EGFR: variants seen among roughly 807,000 people sequenced by gnomAD.
The protein encoded by EGFR is epidermal growth factor receptor, also known as avian erythroblastic leukemia viral (v-erb-b) oncogene homolog.
EGFR carries 58 observed loss-of-function variants against 143.0 expected under a neutral mutation model. The observed-to-expected ratio is 0.41, with a 90% CI of 0.33 to 0.50. EGFR has a LOEUF of 0.50. EGFR is among the 20% of genes least tolerant of loss of function. The probability of loss-of-function intolerance (pLI) is 0.39; values close to 1 mark genes in which losing one functional copy is unlikely to be tolerated. For synonymous variants in EGFR, 613 were observed against 594.4 expected (o/e 1.03, Z -0.45); for missense variants, 1,307 against 1,579.0 (o/e 0.83, Z 2.92).
chr7:55,019,638 G>T (rs1441981190), intron 1 of EGFR, among the ~76,000 whole-genome samples: 2 of 152,086 alleles, frequency 1.3e-5, no homozygotes, highest in Admixed American at 6.5e-5. Flanking sequence ...GACCTCCGGC[G>T]CCCCGAACCG....
Position 55,200,337 on chromosome 7 carries a change from G to T in EGFR, c.2870G>T (p.Ser957Ile), listed in dbSNP as rs2128969822. The T allele has an allele frequency of 1.2e-6, 2 of 1,614,110 alleles. No homozygotes were observed. The highest frequency in any genetic ancestry group is 1.1e-5 in the South Asian group (1 of 91,074). ...CCAGGCTGGATGATAGACGCAGATA[G>T]TCGCCCAAAGTTCCGTGAGTTGATC... ...MVKCWMIDADSRPKFRELIIE... is the reference protein window; with the variant it reads ...MVKCWMIDADIRPKFRELIIE... Residue 957 changes from serine (S) to isoleucine (I), a missense_variant, in exon 24 of 28, where the codon AGT (serine) becomes ATT (isoleucine). By Grantham distance (142) the Ser-to-Ile change is moderately radical. This residue lies in a region of EGFR where 348 missense variants were observed against 451.5 expected (regional missense o/e 0.77). Coordinates refer to ENST00000275493, the MANE Select transcript of EGFR (RefSeq NM_005228.5).
At chr7:55,079,998 T>G (rs943389182) in intron 1 of EGFR, among the ~76,000 whole-genome samples, 3 of 152,226 alleles carry the variant, frequency 2.0e-5, no homozygotes, top group Non-Finnish European at 4.4e-5. Context: ...AAGTTTTAAA[T>G]TTTGAAGTCT....
intron 1 of EGFR, among the ~76,000 whole-genome samples, chr7:55,112,048 C>G (rs1483300610): frequency 6.6e-6 from 1 of 152,080 alleles, no homozygotes; most frequent in Non-Finnish European, 1.5e-5. Flanking sequence ...AGGCAGACAC[C>G]TGGGCTACCC....
intron 3 of EGFR, among the ~76,000 whole-genome samples, chr7:55,146,096 C>T (rs547392620): frequency 6.6e-6 from 1 of 152,148 alleles, no homozygotes; most frequent in Non-Finnish European, 1.5e-5. Flanking sequence ...CTCTGTCATA[C>T]ATTCAGATTC....
At chr7:55,073,301 A>T (rs1789940102) in intron 1 of EGFR, among the ~76,000 whole-genome samples, 1 of 152,242 alleles carries the variant, frequency 6.6e-6, no homozygotes, top group South Asian at 2.1e-4. Flanking sequence ...CAAGCCTCTC[A>T]ACCCACTTCC....
chr7:55,066,664 C>T (rs1225632844), intron 1 of EGFR, among the ~76,000 whole-genome samples: 5 of 152,162 alleles, frequency 3.3e-5, no homozygotes, highest in Non-Finnish European at 4.4e-5. Context: ...TTCCTTCCAC[C>T]GTGCTGGGGT....
intron 1 of EGFR, among the ~76,000 whole-genome samples, chr7:55,036,283 G>GGGTGGGT (rs1787577375): frequency 1.6e-5 from 1 of 63,422 alleles, no homozygotes; most frequent in Non-Finnish European, 3.1e-5. Flanking sequence ...GGGGGGGGGG[G>GGGTGGGT]GTGGGTGTGT....
intron 22 of EGFR, among the ~76,000 whole-genome samples, chr7:55,193,188 G>A (rs530225176): frequency 1.3e-5 from 2 of 152,286 alleles, no homozygotes; most frequent in African/African-American, 4.8e-5. Context: ...ACCAGAGGGA[G>A]GTGGCAGAAG....
At chr7:55,163,865 G>A (rs369567371) in intron 14 of EGFR, 42 bp downstream of exon 14, 267 of 1,606,912 alleles carry the variant, frequency 1.7e-4, no homozygotes, top group Admixed American at 4.7e-4. Flanking sequence ...TTCATGGGAA[G>A]GGCCTTCACA....
chr7:55,064,560 CT>C (rs1442690936), intron 1 of EGFR, among the ~76,000 whole-genome samples: 3 of 152,204 alleles, frequency 2.0e-5, no homozygotes, highest in African/African-American at 7.2e-5. Flanking sequence ...TTATGCACTT[CT>C]TTTTTCTCTT....
intron 15 of EGFR, 75 bp downstream of exon 15, chr7:55,165,512 T>C: frequency 6.5e-7 from 1 of 1,544,278 alleles, no homozygotes; most frequent in Non-Finnish European, 8.7e-7. Flanking sequence ...TCCCAAGTTT[T>C]CCGGCAACAA....
intron 1 of EGFR, among the ~76,000 whole-genome samples, chr7:55,050,725 A>G (rs951909419): frequency 6.6e-6 from 1 of 152,172 alleles, no homozygotes; most frequent in Non-Finnish European, 1.5e-5. Flanking sequence ...TTGCATTGCC[A>G]TAGCCCTCTG....
intron 20 of EGFR, among the ~76,000 whole-genome samples, chr7:55,185,164 A>G (rs903564831): frequency 6.6e-6 from 1 of 152,226 alleles, no homozygotes; most frequent in Non-Finnish European, 1.5e-5. Context: ...AAGGAAAAAA[A>G]ACAGAGGTGT....
intron 1 of EGFR, among the ~76,000 whole-genome samples, chr7:55,134,320 A>T (rs977951075): frequency 6.6e-6 from 1 of 151,514 alleles, no homozygotes; most frequent in African/African-American, 2.4e-5. Context: ...ACACAGGTCC[A>T]GTTCCAGGAC....
intron 1 of EGFR, among the ~76,000 whole-genome samples, chr7:55,030,045 T>C (rs930249570): frequency 2.6e-5 from 4 of 152,182 alleles, no homozygotes; most frequent in Admixed American, 6.5e-5. Context: ...AGGATTGGGA[T>C]AGCTTTCCAG....
chr7:55,044,234 C>A (rs1161060142), intron 1 of EGFR, among the ~76,000 whole-genome samples: 1 of 152,206 alleles, frequency 6.6e-6, no homozygotes, highest in African/African-American at 2.4e-5. Context: ...TGTTCTAACC[C>A]AGCTTTGTCA....
intron 19 of EGFR, among the ~76,000 whole-genome samples, chr7:55,178,224 T>G (rs544446210): frequency 6.6e-6 from 1 of 152,146 alleles, no homozygotes; most frequent in East Asian, 1.9e-4. Context: ...AGCCAGAGGG[T>G]TTCTTTGGTG....
At chr7:55,135,790 T>C (rs1015666341) in intron 1 of EGFR, among the ~76,000 whole-genome samples, 1 of 152,246 alleles carries the variant, frequency 6.6e-6, no homozygotes, top group Non-Finnish European at 1.5e-5. Flanking sequence ...TTTTATGTGG[T>C]AAATTGAGTG....
At position 55,157,734 on chromosome 7, in the gene EGFR, C is replaced by T. The variant is rs1785501303; in HGVS notation, c.1279C>T (p.Arg427Cys). 6.2e-7 allele frequency: 1 copy of T among 1,614,190 alleles called. No homozygotes were observed. Among genetic ancestry groups the T allele is most frequent in the Non-Finnish European group, 8.5e-7 (1 of 1,180,034 alleles). The part of the protein sequence containing the change: ...LHAFENLEII[R>C]GRTKQHGQFS... ...TGCCTTTGAGAACCTAGAAATCATACGCGGCAGGACCAAGCAACAGTAAGT... is the reference window on the plus strand; with the variant it reads ...TGCCTTTGAGAACCTAGAAATCATATGCGGCAGGACCAAGCAACAGTAAGT... The change falls in exon 11 of 28, where the codon CGC becomes TGC. Residue 427 changes from arginine (R) to cysteine (C), a missense_variant. By Grantham distance (180) the Arg-to-Cys change is radical. This residue lies in a region of EGFR where 250 missense variants were observed against 295.1 expected (regional missense o/e 0.85). Transcript: ENST00000275493.
Sources: gnomAD v4.1 joint callset for allele counts (sites outside exome capture counted in the v4.1 genomes callset) on GRCh38, gnomAD v4.1.1 for gene constraint, gnomAD v4.1.1 regional missense constraint, MANE v1.5 for transcripts, NCBI Gene and HGNC (gene_info 2026-07-23, HGNC 2026-07-21) for gene names.